The following EOGT variants were observed in gnomAD, a reference collection of about 807,000 sequenced individuals.
EOGT encodes the protein EGF domain-specific O-linked N-acetylglucosamine transferase.
A neutral mutation model predicts 70.5 loss-of-function variants in EOGT; 55 were observed. That is an observed-to-expected ratio of 0.78 (90% CI 0.63 to 0.98). EOGT has a LOEUF of 0.98. EOGT is among the 50% of genes least tolerant of loss of function. EOGT has a pLI of 0.00. For missense variants in EOGT, 703 were observed against 641.9 expected (o/e 1.10, Z -1.03); for synonymous variants, 246 against 217.1 (o/e 1.13, Z -1.17).
At chr3:68,980,869 G>C (rs1033777329) in intron 15 of EOGT, among the ~76,000 whole-genome samples, 1 of 152,118 alleles carries the variant, frequency 6.6e-6, no homozygotes, top group Non-Finnish European at 1.5e-5. Flanking sequence ...ATTTCCCGCA[G>C]ACTGGCAAGG....
At chr3:69,000,155 A>T (rs2091258975) in intron 9 of EOGT, among the ~76,000 whole-genome samples, 1 of 152,142 alleles carries the variant, frequency 6.6e-6, no homozygotes, top group Admixed American at 6.5e-5. Flanking sequence ...GAGCCCAGGA[A>T]GTTGAGGCTG....
chr3:68,987,840 A>G (rs7374624), intron 13 of EOGT: 172,027 of 391,476 alleles, frequency 0.44, 40,314 homozygotes, highest in Non-Finnish European at 0.49. Context: ...AGGAGGAAGC[A>G]CATTCTTGTA....
At chr3:68,981,392 T>G (rs1436259114) in intron 15 of EOGT, among the ~76,000 whole-genome samples, 1 of 152,194 alleles carries the variant, frequency 6.6e-6, no homozygotes, top group Non-Finnish European at 1.5e-5. Flanking sequence ...CAACATTCTC[T>G]GAAATTAAGT....
intron 9 of EOGT, among the ~76,000 whole-genome samples, chr3:69,001,044 C>A (rs1338361863): frequency 6.6e-6 from 1 of 151,774 alleles, no homozygotes; most frequent in Non-Finnish European, 1.5e-5. Flanking sequence ...GCAACCTCTG[C>A]CTCCTGGGTT....
chr3:69,007,965 C>A, intron 5 of EOGT, 144 bp from the exon 6 acceptor site: 1 of 564,386 alleles, frequency 1.8e-6, no homozygotes, highest in Non-Finnish European at 3.1e-6. Context: ...CAAAACTACG[C>A]CTCACTACAT....
intron 16 of EOGT, among the ~76,000 whole-genome samples, chr3:68,979,229 C>T (rs547842257): frequency 6.6e-6 from 1 of 152,298 alleles, no homozygotes; most frequent in Non-Finnish European, 1.5e-5. Context: ...AAATCATGAA[C>T]ACCCAAGGGC....
intron 10 of EOGT, among the ~76,000 whole-genome samples, chr3:68,989,557 G>C (rs895584329): frequency 2.8e-4 from 42 of 151,952 alleles, no homozygotes; most frequent in African/African-American, 1.0e-3. Context: ...AGACCAGCCT[G>C]ACCAATATGA....
intron 10 of EOGT, among the ~76,000 whole-genome samples, chr3:68,994,519 C>T (rs1341573879): frequency 6.6e-6 from 1 of 152,150 alleles, no homozygotes; most frequent in African/African-American, 2.4e-5. Context: ...TGGCTGGACA[C>T]GGTGGCTCAC....
At chr3:69,012,285 A>G (rs548869805) in intron 2 of EOGT, 2 of 152,404 alleles carry the variant, frequency 1.3e-5, no homozygotes, top group African/African-American at 4.8e-5. Flanking sequence ...CAGGATACTT[A>G]GTGGATCAAA....
At chr3:69,002,224 G>C (rs942399313) in intron 8 of EOGT, among the ~76,000 whole-genome samples, 3 of 152,286 alleles carry the variant, frequency 2.0e-5, no homozygotes, top group African/African-American at 7.2e-5. Context: ...TGAGTCTAGA[G>C]ATGGCTACAG....
intron 17 of EOGT, 98 bp from the exon 18 acceptor site, chr3:68,977,862 T>C: frequency 7.9e-7 from 1 of 1,260,096 alleles, no homozygotes; most frequent in Non-Finnish European, 1.1e-6. Context: ...GCAACTAATT[T>C]ATGTTCTACA....
chr3:69,003,986 C>A (rs1438523424), intron 8 of EOGT, among the ~76,000 whole-genome samples: 1 of 152,184 alleles, frequency 6.6e-6, no homozygotes, highest in Non-Finnish European at 1.5e-5. Flanking sequence ...AATACTTCTA[C>A]CTTGGCCTTC....
intron 10 of EOGT, among the ~76,000 whole-genome samples, chr3:68,992,476 GT>G (rs2091020667): frequency 6.6e-6 from 1 of 152,210 alleles, no homozygotes; most frequent in African/African-American, 2.4e-5. Flanking sequence ...CATGAAGTGG[GT>G]TCCCACAGTC....
At chr3:68,977,822 C>G in intron 17 of EOGT, 58 bp from the exon 18 acceptor site, 1 of 1,524,958 alleles carries the variant, frequency 6.6e-7, no homozygotes, top group Non-Finnish European at 8.8e-7. Context: ...GTTTTCTCTA[C>G]AGCAGGAAAA....
chr3:69,003,646 AATT>A (rs1559611124), intron 8 of EOGT, among the ~76,000 whole-genome samples: 1 of 152,190 alleles, frequency 6.6e-6, no homozygotes, highest in Non-Finnish European at 1.5e-5. Context: ...ATGAGTCTAA[AATT>A]ATTTTAAAAT....
chr3:68,988,327 G>A lies in EOGT; in HGVS notation c.1051C>T (p.His351Tyr), dbSNP rs1297833157. The A allele has an allele frequency of 5.9e-6, 9 of 1,535,886 alleles. No individual in the cohort carries two copies. In the Admixed American group the frequency reaches 5.9e-5, roughly 10 times the overall value. ...CCTTCTTGTGTGATGTTTAGTCTGTGTAGTACATGCTGGGCAAATGCCCTG... is the reference window on the plus strand; with the variant it reads ...CCTTCTTGTGTGATGTTTAGTCTGTATAGTACATGCTGGGCAAATGCCCTG... ...LFRAFAQHVL[H>Y]RLNITQEGPK... is the part of the protein sequence containing the mutation. The change falls in exon 13 of 18, where the codon CAC becomes TAC. Residue 351 changes from histidine to tyrosine, a missense_variant. Coordinates refer to ENST00000383701, the MANE Select transcript of EOGT (RefSeq NM_001278689.2).
At chr3:68,979,860 C>T in intron 15 of EOGT, 73 bp from the exon 16 acceptor site, 1 of 1,446,222 alleles carries the variant, frequency 6.9e-7, no homozygotes, top group Non-Finnish European at 9.5e-7. Context: ...GTTCATGATT[C>T]ACAGTAAGGA....
intron 9 of EOGT, among the ~76,000 whole-genome samples, chr3:68,998,586 G>A (rs954874275): frequency 3.9e-5 from 6 of 152,130 alleles, no homozygotes; most frequent in Admixed American, 1.3e-4. Flanking sequence ...AGGCACAGTG[G>A]CTCACACCTG....
At chr3:68,995,578 G>A (rs779786136) in intron 10 of EOGT, among the ~76,000 whole-genome samples, 1 of 152,140 alleles carries the variant, frequency 6.6e-6, no homozygotes, top group South Asian at 2.1e-4. Context: ...ACAGAGAAGG[G>A]GAGGGTTGTA....
Sources: gnomAD v4.1 joint callset for allele counts (sites outside exome capture counted in the v4.1 genomes callset) on GRCh38, gnomAD v4.1.1 for gene constraint, MANE v1.5 for transcripts, NCBI Gene and HGNC (gene_info 2026-07-23, HGNC 2026-07-21) for gene names.